Variants in TNC observed in about 807,000 individuals in gnomAD.
TNC encodes the protein tenascin C.
Under a neutral mutation model 202.4 loss-of-function variants are expected in TNC, and 109 were observed. That is an observed-to-expected ratio of 0.54 (90% CI 0.46 to 0.63). The LOEUF (loss-of-function observed/expected upper bound fraction) is 0.63, where lower values mean the gene tolerates loss of function less well. TNC is among the 30% of genes least tolerant of loss of function. TNC has a pLI of 0.00. For synonymous variants in TNC, 1,007 were observed against 1,089.7 expected (o/e 0.92, Z 1.50); for missense variants, 2,756 against 2,833.3 (o/e 0.97, Z 0.62).
rs57737243 is a variant in TNC, at chr9:115,028,924, G to GAAAAAAA, written c.6169+429_6169+435dup. Among the ~76,000 whole-genome samples, 92 of 63,960 alleles carry GAAAAAAA rather than the reference G, an allele frequency of 1.4e-3. 5 individuals carry two copies. Among genetic ancestry groups the GAAAAAAA allele is most frequent in the East Asian group, 2.4e-3 (3 of 1,232 alleles). 42.0% of individuals were successfully genotyped at this position (63,960 alleles called of 152,430 possible). A position where few individuals can be genotyped will look rare whatever the true frequency, so the allele number is the denominator to read the frequency against. On this transcript the variant is annotated intron_variant, in intron 25 of 27. Coordinates refer to ENST00000350763, the MANE Select transcript of TNC (RefSeq NM_002160.4). Reference sequence around the variant, plus strand: ...TACTAAAGCTCTCAACATTATCTCTGAAAAAAAAAAAAAAAAAAAAAAAAA... The same window carrying GAAAAAAA: ...TACTAAAGCTCTCAACATTATCTCTGAAAAAAAAAAAAAAAAAAAAAAAAAAAAAAAA...
At position 115,057,183 on chromosome 9, in the gene TNC, T is replaced by G; in HGVS notation, c.4549A>C (p.Thr1517Pro). ...YLSGLAPSIR[T>P]KTISATATTE... ...GTGGCTGTGGCACTGATGGTTTTGG[T>G]CCGGATGCTGGGAGCAAGTCCAGAG... Residue 1517 changes from threonine to proline, a missense_variant, in exon 15 of 28, where the codon ACC (threonine) becomes CCC (proline). Physicochemically the swap from Thr to Pro is conservative, Grantham distance 38. This residue lies in a region of TNC where 2,559 missense variants were observed against 2,546.0 expected (regional missense o/e 1.01). Transcript: ENST00000350763. The G allele has an allele frequency of 6.2e-7, 1 of 1,613,698 alleles. No homozygotes were observed.
intron 1 of TNC, among the ~76,000 whole-genome samples, chr9:115,116,065 A>G (rs1230094320): frequency 1.2e-4 from 18 of 152,184 alleles, no homozygotes; most frequent in Admixed American, 1.2e-3. Flanking sequence ...TGTTTGCCAT[A>G]TATTACCTCA....
intron 1 of TNC, among the ~76,000 whole-genome samples, chr9:115,116,456 G>T (rs75171570): frequency 6.4e-4 from 97 of 152,290 alleles, no homozygotes; most frequent in African/African-American, 2.3e-3. Flanking sequence ...TGGTTGTCTA[G>T]GACTGAATAA....
chr9:115,047,046 G>A (rs1831252364), intron 16 of TNC, among the ~76,000 whole-genome samples: 1 of 152,102 alleles, frequency 6.6e-6, no homozygotes, highest in Non-Finnish European at 1.5e-5. Context: ...GTGGCTGAGT[G>A]CCCATCCCCT....
intron 6 of TNC, among the ~76,000 whole-genome samples, chr9:115,078,712 A>T (rs1834071794): frequency 6.6e-6 from 1 of 152,148 alleles, no homozygotes; most frequent in South Asian, 2.1e-4. Flanking sequence ...ATGGAAACTT[A>T]TTTTTGATAG....
intron 1 of TNC, among the ~76,000 whole-genome samples, chr9:115,115,286 T>G (rs564025748): frequency 2.6e-5 from 4 of 152,224 alleles, no homozygotes; most frequent in Non-Finnish European, 2.9e-5. Context: ...GAGGGGCATA[T>G]TTAGTCAGAA....
chr9:115,055,017 T>C (rs116547924), intron 15 of TNC, among the ~76,000 whole-genome samples: 1,965 of 152,318 alleles, frequency 0.013, 44 homozygotes, highest in African/African-American at 0.045. Flanking sequence ...TCAGGGCACC[T>C]TTATTTTTTA....
At chr9:115,031,263 C>A (rs1281131042) in intron 23 of TNC, among the ~76,000 whole-genome samples, 1 of 152,138 alleles carries the variant, frequency 6.6e-6, no homozygotes, top group Non-Finnish European at 1.5e-5. Context: ...TATTAATCTC[C>A]CTGTATAGAC....
intron 10 of TNC, among the ~76,000 whole-genome samples, chr9:115,070,294 G>A (rs531074663): frequency 6.6e-6 from 1 of 152,320 alleles, no homozygotes; most frequent in Admixed American, 6.5e-5. Flanking sequence ...GTGAAATGAG[G>A]GAGCACGCTC....
At chr9:115,093,980 A>C (rs1027292313) in intron 1 of TNC, among the ~76,000 whole-genome samples, 2 of 152,178 alleles carry the variant, frequency 1.3e-5, no homozygotes, top group African/African-American at 4.8e-5. Context: ...AGTGTTGTAG[A>C]AAATGGTTAG....
At chr9:115,059,609 C>A in intron 14 of TNC, 121 bp downstream of exon 14, 1 of 1,072,696 alleles carries the variant, frequency 9.3e-7, no homozygotes, top group Non-Finnish European at 1.3e-6. Flanking sequence ...GCATGCACAG[C>A]CGGCCACTGA....
chr9:115,080,583 A>G (rs550236529), intron 6 of TNC, among the ~76,000 whole-genome samples: 1 of 152,330 alleles, frequency 6.6e-6, no homozygotes, highest in Non-Finnish European at 1.5e-5. Context: ...AGGTTTTCCT[A>G]TATGGAAGTG....
intron 2 of TNC, among the ~76,000 whole-genome samples, chr9:115,089,450 G>A (rs1835040792): frequency 1.3e-5 from 2 of 151,908 alleles, no homozygotes; most frequent in South Asian, 4.2e-4. Context: ...ATGAGCTCTG[G>A]AGACACACAG....
intron 10 of TNC, among the ~76,000 whole-genome samples, chr9:115,066,074 G>A (rs1036686150): frequency 2.0e-5 from 3 of 152,106 alleles, no homozygotes; most frequent in African/African-American, 7.2e-5. Flanking sequence ...TATTAAGGCT[G>A]AGCTAAGGAA....
At chr9:115,032,776 G>T (rs1564412286) in intron 22 of TNC, among the ~76,000 whole-genome samples, 1 of 152,206 alleles carries the variant, frequency 6.6e-6, no homozygotes, top group Non-Finnish European at 1.5e-5. Context: ...ATGACAGACA[G>T]ATGTTGACCA....
At position 115,048,297 on chromosome 9, in the gene TNC, C is replaced by T. The variant is rs1405250010; in HGVS notation, c.4815G>A (p.Gly1605=). 8.1e-6 allele frequency: 13 copies of T among 1,614,042 alleles called. No homozygotes were observed. Among genetic ancestry groups the T allele is most frequent in the Non-Finnish European group, 1.0e-5 (12 of 1,179,950 alleles). The stretch of plus-strand genomic sequence containing the variant: ...CAGCCCTCAAGGGCTTGGTTTGATG[C>T]CCTTGGGTGAAGCCAGAGACCATAA... The part of the protein sequence containing the change: ...YEVMVSGFTQ[G]HQTKPLRAEI... Residue 1605 remains glycine, a synonymous_variant, in exon 16 of 28, where the codon GGG becomes GGA. Transcript: ENST00000350763.
At chr9:115,022,398 G>A (rs957848558) in intron 27 of TNC, among the ~76,000 whole-genome samples, 2 of 152,234 alleles carry the variant, frequency 1.3e-5, no homozygotes, top group Non-Finnish European at 2.9e-5. Flanking sequence ...CTTGTACTGT[G>A]GTGGGCACTA....
In TNC at chr9:115,036,199, T is replaced by C; in HGVS notation, c.5555A>G (p.Tyr1852Cys). The stretch of plus-strand genomic sequence containing the variant: ...GGCAGGCTCGAGGTCGGTCAGAGCA[T>C]ACTCCACTGTGTTCCCGGACACCGT... ...TRTVSGNTVE[Y>C]ALTDLEPATE... Residue 1852 changes from tyrosine to cysteine, a missense_variant, in exon 21 of 28, where the codon TAT becomes TGT. Transcript: ENST00000350763. The C allele has an allele frequency of 6.2e-7, 1 of 1,614,172 alleles. No homozygotes were observed. The highest frequency in any genetic ancestry group is 8.5e-7 in the Non-Finnish European group (1 of 1,180,008).
chr9:115,027,774 G>T (rs2131589955), intron 25 of TNC, among the ~76,000 whole-genome samples: 1 of 152,246 alleles, frequency 6.6e-6, no homozygotes, highest in East Asian at 1.9e-4. Flanking sequence ...GAATGGATGG[G>T]TGATAGGATT....
Sources: allele counts gnomAD v4.1 joint callset (sites outside exome capture counted in the v4.1 genomes callset), GRCh38; gene constraint gnomAD v4.1.1; regional missense constraint gnomAD v4.1.1; transcripts MANE v1.5; gene names NCBI Gene and HGNC (gene_info 2026-07-23, HGNC 2026-07-21).